Variants in MMP26 observed in about 807,000 individuals in gnomAD.
MMP26 encodes the protein matrix metallopeptidase 26.
In MMP26, 33 loss-of-function variants were observed where a neutral mutation model predicts 31.0. The ratio of observed to expected loss-of-function variants is 1.06; its 90% CI spans 0.81 to 1.42. MMP26 has a LOEUF of 1.42. Among genes scored for constraint, MMP26 ranks in the 40% most tolerant of loss-of-function variants. The probability of loss-of-function intolerance (pLI) is 0.00; values close to 1 mark genes in which losing one functional copy is unlikely to be tolerated. For synonymous variants in MMP26, 122 were observed against 114.9 expected (o/e 1.06, Z -0.40); for missense variants, 347 against 316.1 (o/e 1.10, Z -0.74).
chr11:4,932,572 T>A (rs961228173), intron 2 of MMP26, among the ~76,000 whole-genome samples: 4 of 152,148 alleles, frequency 2.6e-5, no homozygotes, highest in Non-Finnish European at 5.9e-5. Context: ...ATATTCAAAG[T>A]GTATCCCCTG....
In MMP26 at chr11:4,988,369, G is replaced by A. The variant is rs113232715; in HGVS notation, c.99+59G>A. 8.5e-5 allele frequency: 104 copies of A among 1,226,506 alleles called. No homozygotes were observed. In the African/African-American group the frequency reaches 1.4e-3, roughly 16 times the overall value. The allele number at this position is 1,226,506 out of a possible 1,614,324, so 76.0% of individuals were successfully genotyped here. ...GGTGACCATTGTGGGCTCTTATTTC[G>A]TGTGTGTGTGTATGTGTGACTGCAT... On this transcript the variant is annotated intron_variant, in intron 3 of 7. Coordinates refer to ENST00000380390, the MANE Select transcript of MMP26 (RefSeq NM_021801.5).
chr11:4,917,634 C>T (rs1054468781), intron 2 of MMP26, among the ~76,000 whole-genome samples: 9 of 152,072 alleles, frequency 5.9e-5, no homozygotes, highest in Non-Finnish European at 1.2e-4. Context: ...CTGCTGTGGC[C>T]GTGATCAGTG....
At chr11:4,921,812 T>C (rs2133581305) in intron 2 of MMP26, among the ~76,000 whole-genome samples, 1 of 152,348 alleles carries the variant, frequency 6.6e-6, no homozygotes, top group South Asian at 2.1e-4. Flanking sequence ...AATAGATCTT[T>C]ATTAATTTTT....
At chr11:4,793,375 T>TA (rs1422257060) in intron 2 of MMP26, among the ~76,000 whole-genome samples, 3 of 152,108 alleles carry the variant, frequency 2.0e-5, no homozygotes, top group African/African-American at 2.4e-5. Context: ...TACAAATTGA[T>TA]AAAAAACGAG....
chr11:4,882,565 G>GA, intron 2 of MMP26: 2 of 1,613,844 alleles, frequency 1.2e-6, no homozygotes, highest in East Asian at 4.5e-5. Context: ...CCTATGTCCT[G>GA]ATCCTCCGTA....
At chr11:4,888,112 C>A (rs1332315526) in intron 2 of MMP26, among the ~76,000 whole-genome samples, 5 of 152,090 alleles carry the variant, frequency 3.3e-5, no homozygotes, top group Non-Finnish European at 7.4e-5. Flanking sequence ...ACAGTAATTA[C>A]TTGTGAGCTC....
At chr11:4,924,375 A>G in intron 2 of MMP26, 1 of 1,543,538 alleles carries the variant, frequency 6.5e-7, no homozygotes, top group Non-Finnish European at 8.7e-7. Context: ...CCTGGAATAT[A>G]GAATGAGATT....
intron 2 of MMP26, among the ~76,000 whole-genome samples, chr11:4,792,701 G>T (rs1017999479): frequency 6.6e-6 from 1 of 151,964 alleles, no homozygotes; most frequent in African/African-American, 2.4e-5. Context: ...CTATTGTCTG[G>T]GTAGAACATG....
At chr11:4,711,219 T>A (rs1847858282) in intron 1 of MMP26, 1 of 152,126 alleles carries the variant, frequency 6.6e-6, no homozygotes, top group South Asian at 2.1e-4. Context: ...TAATAAAACA[T>A]AAAATACAAT....
intron 1 of MMP26, among the ~76,000 whole-genome samples, chr11:4,759,596 A>G (rs1848547638): frequency 6.6e-6 from 1 of 152,236 alleles, no homozygotes; most frequent in Non-Finnish European, 1.5e-5. Context: ...AAAATATTAC[A>G]TATGAGACCG....
chr11:4,924,161 G>C lies in MMP26; in HGVS notation c.-144-63907G>C, dbSNP rs147123000. On this transcript the variant is annotated intron_variant, in intron 2 of 7. Transcript: ENST00000380390. Reference sequence around the variant, plus strand: ...TAGCATGCCCAAGAAATAGTACATGGGTCCATGGAGAGTGGCATCAGTACA... The same window carrying C: ...TAGCATGCCCAAGAAATAGTACATGCGTCCATGGAGAGTGGCATCAGTACA... 3.7e-6 allele frequency: 6 copies of C among 1,614,050 alleles called. No individual in the cohort carries two copies. The African/African-American group carries it at 8.0e-5, about 22-fold the overall frequency.
intron 2 of MMP26, among the ~76,000 whole-genome samples, chr11:4,846,463 A>C (rs1849868827): frequency 6.6e-6 from 1 of 152,164 alleles, no homozygotes; most frequent in African/African-American, 2.4e-5. Flanking sequence ...AAATAATAGA[A>C]AGAATGAATA....
At chr11:4,859,870 G>A (rs1396010498) in intron 2 of MMP26, 4 of 471,214 alleles carry the variant, frequency 8.5e-6, no homozygotes, top group East Asian at 6.9e-5. Flanking sequence ...TTCACCTCTG[G>A]AGACAATGCC....
At chr11:4,828,806 T>G (rs1042277014) in intron 2 of MMP26, among the ~76,000 whole-genome samples, 3 of 152,188 alleles carry the variant, frequency 2.0e-5, no homozygotes, top group African/African-American at 7.2e-5. Flanking sequence ...CTGGATATTT[T>G]GGGCTAGAAT....
At chr11:4,793,086 C>T (rs539065162) in intron 2 of MMP26, among the ~76,000 whole-genome samples, 7 of 152,204 alleles carry the variant, frequency 4.6e-5, no homozygotes, top group African/African-American at 1.2e-4. Flanking sequence ...TTTGAATGGG[C>T]GGGTGTGTTT....
chr11:4,804,208 A>G (rs745820183), intron 2 of MMP26: 50 of 1,614,034 alleles, frequency 3.1e-5, no homozygotes, highest in Non-Finnish European at 3.9e-5. Flanking sequence ...GGGCTCATGC[A>G]GGGTGTGGTC....
chr11:4,981,285 C>T (rs933378373), intron 2 of MMP26, among the ~76,000 whole-genome samples: 2 of 152,026 alleles, frequency 1.3e-5, no homozygotes, highest in East Asian at 1.9e-4. Context: ...TAGAGATACT[C>T]ATTCTGAGAA....
At chr11:4,789,860 C>A (rs1849000252) in intron 2 of MMP26, among the ~76,000 whole-genome samples, 1 of 151,838 alleles carries the variant, frequency 6.6e-6, no homozygotes, top group Admixed American at 6.6e-5. Flanking sequence ...GAGAAATTCA[C>A]ACAGAATATG....
Position 4,737,382 on chromosome 11 carries a change from G to A in MMP26, c.-216-29888G>A, listed in dbSNP as rs144966526. ...GAGGTGGCCAGGCACAGTGGCTCAC[G>A]CCTGTAATCCCAGCACTTTGGGAGG... On this transcript the variant is annotated intron_variant, in intron 1 of 7. Coordinates refer to ENST00000380390, the MANE Select transcript of MMP26 (RefSeq NM_021801.5). Among the ~76,000 whole-genome samples, 126 of 152,142 alleles carry A rather than the reference G, an allele frequency of 8.3e-4. 1 individual carries two copies. Among genetic ancestry groups the A allele is most frequent in the African/African-American group, 2.1e-3 (89 of 41,506 alleles).
Sources: allele counts gnomAD v4.1 joint callset (sites outside exome capture counted in the v4.1 genomes callset), GRCh38; gene constraint gnomAD v4.1.1; transcripts MANE v1.5; gene names NCBI Gene and HGNC (gene_info 2026-07-23, HGNC 2026-07-21).